The following TRAF7 variants were observed in gnomAD, a reference collection of about 807,000 sequenced individuals.
TRAF7 encodes E3 ubiquitin-protein ligase TRAF7.
In TRAF7, 45 loss-of-function variants were observed where a neutral mutation model predicts 89.3. The observed-to-expected ratio is 0.50, with a 90% CI of 0.40 to 0.65. TRAF7 has a LOEUF of 0.65. Ranked by LOEUF, TRAF7 falls within the 30% of genes least tolerant of loss-of-function variation. TRAF7 has a pLI of 0.00. For synonymous variants in TRAF7, 406 were observed against 369.2 expected (o/e 1.10, Z -1.14); for missense variants, 677 against 918.1 (o/e 0.74, Z 3.39).
At chr16:2,157,740 C>G (rs2093040932) in intron 1 of TRAF7, among the ~76,000 whole-genome samples, 1 of 152,056 alleles carries the variant, frequency 6.6e-6, no homozygotes, top group African/African-American at 2.4e-5. Flanking sequence ...GCAGCCACTC[C>G]CCGGCTTGGC....
chr16:2,160,388 C>A (rs1356311109), intron 1 of TRAF7, among the ~76,000 whole-genome samples: 2 of 151,706 alleles, frequency 1.3e-5, no homozygotes, highest in Non-Finnish European at 2.9e-5. Flanking sequence ...TCGAATACTC[C>A]TGGAGCATCC....
At chr16:2,175,721 A>G (rs2141296283) in intron 17 of TRAF7, 99 bp downstream of exon 17, 4 of 1,587,600 alleles carry the variant, frequency 2.5e-6, no homozygotes, top group Non-Finnish European at 3.4e-6. Flanking sequence ...CTACCTTCGC[A>G]CATCCCCTGG....
rs140909840 is a variant in TRAF7, at chr16:2,171,619, C to G, written c.475+14C>G. ...CCTTGAAGTCAGGTAGGTTTGTGCC[C>G]CGGCCCAGGCCTGACGCCGACCGTG... On this transcript the variant is annotated intron_variant, in intron 7 of 20. Coordinates refer to ENST00000326181, the MANE Select transcript of TRAF7 (RefSeq NM_032271.3). 269 of 1,613,188 alleles carry G rather than the reference C, an allele frequency of 1.7e-4. No homozygotes were observed. In the African/African-American group the frequency reaches 3.4e-3, roughly 21 times the overall value.
At chr16:2,170,801 C>A in intron 5 of TRAF7, 71 bp downstream of exon 5, 1 of 1,401,788 alleles carries the variant, frequency 7.1e-7, no homozygotes, top group Non-Finnish European at 9.8e-7. Flanking sequence ...GAGGCACCTT[C>A]CCCTCCGCCA....
Position 2,174,322 on chromosome 16 carries a change from C to G in TRAF7, c.1335C>G (p.Leu445=), listed in dbSNP as rs144124704. ...LEGHDGIVLA[L]CIQGCKLYSG... ...GCCATGATGGCATCGTGCTGGCTCTCTGCATCCAGGGGTGAGTCCAGGCAC... is the reference window on the plus strand; with the variant it reads ...GCCATGATGGCATCGTGCTGGCTCTGTGCATCCAGGGGTGAGTCCAGGCAC... Residue 445 remains leucine, a synonymous_variant, in exon 14 of 21, where the codon CTC becomes CTG. Coordinates refer to ENST00000326181, the MANE Select transcript of TRAF7 (RefSeq NM_032271.3). 180 of 1,613,026 alleles carry G rather than the reference C, an allele frequency of 1.1e-4. No homozygotes were observed. The highest frequency in any genetic ancestry group is 1.4e-4 in the Non-Finnish European group (161 of 1,179,954).
At position 2,171,306 on chromosome 16, in the gene TRAF7, T is replaced by C; in HGVS notation, c.391T>C (p.Cys131Arg). The change falls in exon 6 of 21, where the codon TGT becomes CGT. Residue 131 changes from cysteine (C) to arginine (R), a missense_variant. By Grantham distance (180) the Cys-to-Arg change is radical (BLOSUM62 -3). Coordinates refer to ENST00000326181, the MANE Select transcript of TRAF7 (RefSeq NM_032271.3). ...GGAGCAGCCCTCGGTGAAGCTGTGC[T>C]GTCAGCTCTGCTGCAGCGTCTTCAA... is the stretch of plus-strand genomic sequence containing the variant. Reference protein sequence around the residue: ...FAEQPSVKLCCQLCCSVFKDP... With the variant: ...FAEQPSVKLCRQLCCSVFKDP... 1 of 1,556,364 alleles carries C rather than the reference T, an allele frequency of 6.4e-7. No homozygotes were observed. Among genetic ancestry groups the C allele is most frequent in the Non-Finnish European group, 8.7e-7 (1 of 1,150,474 alleles).
In TRAF7 at chr16:2,158,409, C is replaced by A. The variant is rs1398412586; in HGVS notation, c.-39+2551C>A. On this transcript the variant is annotated intron_variant, in intron 1 of 20. Coordinates refer to ENST00000326181, the MANE Select transcript of TRAF7 (RefSeq NM_032271.3). The surrounding 1 kb of genome is among the most constrained non-coding windows in gnomAD (Gnocchi z 4.7). ...GGCTGGTCACGTGTAGACCCGGACA[C>A]CCTCACCCGGCTGGAGGAAGCCGGC... Among the ~76,000 whole-genome samples, 1 of 152,114 alleles carries A rather than the reference C, an allele frequency of 6.6e-6. No individual in the cohort carries two copies. The highest frequency in any genetic ancestry group is 6.5e-5 in the Admixed American group (1 of 15,288).
chr16:2,163,930 G>A lies in TRAF7; in HGVS notation c.10G>A (p.Gly4Ser). The A allele has an allele frequency of 6.2e-7, 1 of 1,612,628 alleles. No homozygotes were observed. The highest frequency in any genetic ancestry group is 1.3e-5 in the African/African-American group (1 of 75,020). The change falls in exon 2 of 21, where the codon GGC (glycine) becomes AGC (serine). Residue 4 changes from glycine (G) to serine (S), a missense_variant. Around this residue, in one of 6 missense-constraint regions of TRAF7, gnomAD observed 240 missense variants for 191.9 expected, o/e 1.25. Transcript: ENST00000326181. The surrounding 1 kb of genome is among the most constrained non-coding windows in gnomAD (Gnocchi z 4.3). MSS[G>S]KSARYNRFSG... Reference sequence around the variant, plus strand: ...GATGCCTCTCTAGAGCATGAGCTCAGGCAAGAGTGCCCGCTACAACCGCTT... The same window carrying A: ...GATGCCTCTCTAGAGCATGAGCTCAAGCAAGAGTGCCCGCTACAACCGCTT...
In TRAF7 at chr16:2,176,063, G is replaced by A; in HGVS notation, c.1761G>A (p.Glu587=). ...YENLIHVWDI[E]SKEQVRTLTG... ...ACCCCTCCCAGGTGTGGGACATTGA[G>A]TCCAAGGAGCAGGTGCGGACCCTCA... Residue 587 remains glutamate, a synonymous_variant, in exon 19 of 21, where the codon GAG becomes GAA. Transcript: ENST00000326181. 6.2e-7 allele frequency: 1 copy of A among 1,609,118 alleles called. No homozygotes were observed. Among genetic ancestry groups the A allele is most frequent in the Non-Finnish European group, 8.5e-7 (1 of 1,177,440 alleles).
Position 2,168,042 on chromosome 16 carries a change from GC to G in TRAF7, c.140-30del. 2 of 1,597,296 alleles carry G rather than the reference GC, an allele frequency of 1.3e-6. No individual in the cohort carries two copies. ...CACCTCCCCCACATCTGCTGAGGGA[GC>G]CCCCACTGAGACGCCAGCCCTCTTG... On this transcript the variant is annotated intron_variant, in intron 3 of 20. Transcript: ENST00000326181. This position sits in a 1 kb window ranked among gnomAD's most constrained non-coding sequence, Gnocchi z 4.1.
chr16:2,164,159 T>TGCGCGC (rs61245743), intron 2 of TRAF7, among the ~76,000 whole-genome samples, 158 bp downstream of exon 2: 495 of 126,110 alleles, frequency 3.9e-3, no homozygotes, highest in Non-Finnish European at 5.9e-3. Flanking sequence ...TGTGTGTGTG[T>TGCGCGC]GCGCGCGCGC....
At chr16:2,160,060 G>A (rs376061864) in intron 1 of TRAF7, among the ~76,000 whole-genome samples, 12 of 152,318 alleles carry the variant, frequency 7.9e-5, no homozygotes, top group South Asian at 4.1e-4. Context: ...GGGATTTGCC[G>A]AAGAGGGGCT....
In TRAF7 at chr16:2,164,016, C is replaced by T. The variant is rs770261144; in HGVS notation, c.81+15C>T. The T allele has an allele frequency of 1.9e-5, 31 of 1,600,850 alleles. No individual in the cohort carries two copies. Among genetic ancestry groups the T allele is most frequent in the Non-Finnish European group, 2.2e-5 (26 of 1,172,508 alleles). On this transcript the variant is annotated intron_variant, in intron 2 of 20. Transcript: ENST00000326181. ...TCACCACAGGGGTAAGGGTGTGCCC[C>T]TCTGCAAGCCCAACATCCCCAGGAC... is the stretch of plus-strand genomic sequence containing the variant.
intron 2 of TRAF7, among the ~76,000 whole-genome samples, chr16:2,164,421 G>A (rs2093073471): frequency 1.4e-5 from 2 of 142,004 alleles, no homozygotes; most frequent in African/African-American, 2.6e-5. Flanking sequence ...TGTGAGTGCT[G>A]CGTGGCCTGG....
At chr16:2,176,202 G>T in intron 19 of TRAF7, 22 bp downstream of exon 19, 1 of 1,602,360 alleles carries the variant, frequency 6.2e-7, no homozygotes. Context: ...CCCAGCGGTG[G>T]CAGGAGGCTC....
intron 2 of TRAF7, 134 bp downstream of exon 2, chr16:2,164,135 GTGT>G: frequency 6.0e-6 from 4 of 668,916 alleles, no homozygotes; most frequent in Non-Finnish European, 9.8e-6. Flanking sequence ...GTGGGGGGGG[GTGT>G]GGTGTGTGTG....
intron 7 of TRAF7, 131 bp from the exon 8 acceptor site, chr16:2,172,060 C>T (rs2093113831): frequency 1.9e-6 from 2 of 1,079,544 alleles, no homozygotes; most frequent in South Asian, 1.4e-5. Flanking sequence ...CCACCTGTGC[C>T]CCCGTTCCCA....
rs1166857599 is a variant in TRAF7, at chr16:2,174,027, C to G, written c.1242C>G (p.Gly414=). The part of the protein sequence containing the change: ...VYSMGDLLFS[G]SSDKTIKVWD... The stretch of plus-strand genomic sequence containing the variant: ...CCATGGGTGACCTGCTCTTCAGTGG[C>G]TCCTCTGACAAGACCATCAAGGTGG... The change falls in exon 13 of 21, where the codon GGC becomes GGG. Residue 414 remains glycine, a synonymous_variant. Transcript: ENST00000326181. The G allele has an allele frequency of 6.2e-7, 1 of 1,613,524 alleles. No individual in the cohort carries two copies. Among genetic ancestry groups the G allele is most frequent in the Non-Finnish European group, 8.5e-7 (1 of 1,180,016 alleles).
intron 2 of TRAF7, among the ~76,000 whole-genome samples, chr16:2,164,961 G>A (rs1463291277): frequency 6.2e-5 from 3 of 48,440 alleles, no homozygotes; most frequent in African/African-American, 2.6e-4. Context: ...GCTGTGTGGC[G>A]CAGCCTGGTC....
Sources: gnomAD v4.1 joint callset for allele counts (sites outside exome capture counted in the v4.1 genomes callset) on GRCh38, gnomAD v4.1.1 for gene constraint, gnomAD v4.1.1 regional missense constraint, Gnocchi (gnomAD v3.1) non-coding constraint, MANE v1.5 for transcripts, NCBI Gene and HGNC (gene_info 2026-07-23, HGNC 2026-07-21) for gene names.